The following FOXK1 variants were observed in gnomAD, a reference collection of about 807,000 sequenced individuals.
FOXK1 encodes forkhead box protein K1.
FOXK1 carries 19 observed loss-of-function variants against 51.9 expected under a neutral mutation model. That is an observed-to-expected ratio of 0.37 (90% CI 0.26 to 0.54). The LOEUF is 0.54. Ranked by LOEUF, FOXK1 falls within the 20% of genes least tolerant of loss-of-function variation. FOXK1 has a pLI of 0.87. For synonymous variants in FOXK1, 537 were observed against 482.6 expected (o/e 1.11, Z -1.48); for missense variants, 870 against 1,032.7 (o/e 0.84, Z 2.16).
intron 1 of FOXK1, among the ~76,000 whole-genome samples, chr7:4,694,471 C>T (rs1326916478): frequency 2.0e-5 from 3 of 152,136 alleles, no homozygotes; most frequent in South Asian, 2.1e-4. Context: ...TCTGAAAAAG[C>T]TTTGCTTCTT....
Position 4,741,037 on chromosome 7 carries a change from C to T in FOXK1, c.746+14C>T, listed in dbSNP as rs752677638. On this transcript the variant is annotated intron_variant, in intron 2 of 8. Transcript: ENST00000328914. ...GGGCACCATCAGGTGAGTAGCCCCC[C>T]AGCCTGCCCTTGGGCCCCCAGGAGA... The T allele has an allele frequency of 6.7e-7, 1 of 1,492,718 alleles. No individual in the cohort carries two copies. The highest frequency in any genetic ancestry group is 2.8e-5 in the Admixed American group (1 of 35,890). The allele number at this position is 1,492,718 out of a possible 1,614,324, so 92.5% of individuals were successfully genotyped here.
Position 4,762,279 on chromosome 7 carries a change from G to C in FOXK1, c.2017G>C (p.Ala673Pro). The change falls in exon 9 of 9, where the codon GCA becomes CCA. Residue 673 changes from alanine (A) to proline (P), a missense_variant. Coordinates refer to ENST00000328914, the MANE Select transcript of FOXK1 (RefSeq NM_001037165.2). This position sits in a 1 kb window ranked among gnomAD's most constrained non-coding sequence, Gnocchi z 5.7. ...GTGCGAGGTGGGGCCCAAGGAGCCA[G>C]CAGCAGCCGTCGCGGCCACGGCCAC... ...RVCEVGPKEP[A>P]AAVAATATTT... 1 of 1,550,780 alleles carries C rather than the reference G, an allele frequency of 6.4e-7. No individual in the cohort carries two copies. Among genetic ancestry groups the C allele is most frequent in the Non-Finnish European group, 8.7e-7 (1 of 1,146,930 alleles).
At chr7:4,712,156 C>G (rs1227575659) in intron 1 of FOXK1, among the ~76,000 whole-genome samples, 1 of 151,778 alleles carries the variant, frequency 6.6e-6, no homozygotes, top group African/African-American at 2.4e-5. Context: ...GAGATGAAAT[C>G]CAAGCATCGT....
intron 1 of FOXK1, among the ~76,000 whole-genome samples, chr7:4,691,088 A>G (rs925315019): frequency 6.6e-6 from 1 of 152,172 alleles, no homozygotes; most frequent in Non-Finnish European, 1.5e-5. Flanking sequence ...TAAAAAGGAT[A>G]AAAAACAGAA....
At position 4,771,309 on chromosome 7, in the gene FOXK1, TCTA is replaced by T. The variant is rs977744671; in HGVS notation, c.*8848_*8850del. 1 of 152,652 alleles carries T rather than the reference TCTA, an allele frequency of 6.6e-6. No individual in the cohort carries two copies. Among genetic ancestry groups the T allele is most frequent in the African/African-American group, 2.4e-5 (1 of 41,436 alleles). The allele number at this position is 152,652 out of a possible 1,614,324, so 9.5% of individuals were successfully genotyped here. Reference sequence around the variant, plus strand: ...TAAAGCTATAACAAAGTTTAAAATTTCTACTTTTTGTTTTTCATTTATTTTAAC... The same window carrying T: ...TAAAGCTATAACAAAGTTTAAAATTTCTTTTTGTTTTTCATTTATTTTAAC... On this transcript the variant is annotated 3_prime_UTR_variant, in exon 9 of 9. Transcript: ENST00000328914.
Position 4,730,996 on chromosome 7 carries a change from G to A in FOXK1, c.561-9842G>A, listed in dbSNP as rs1780469267. 6.6e-6 allele frequency among the ~76,000 whole-genome samples: 1 copy of A among 152,056 alleles called. No homozygotes were observed. Among genetic ancestry groups the A allele is most frequent in the Admixed American group, 6.6e-5 (1 of 15,256 alleles). ...AGCCTGGGCAACATAACAAGACCCT[G>A]TCTCTACAAAAAATCAAAACCATTT... On this transcript the variant is annotated intron_variant, in intron 1 of 8. Transcript: ENST00000328914. This position sits in a 1 kb window ranked among gnomAD's most constrained non-coding sequence, Gnocchi z 4.7.
At chr7:4,686,963 T>C (rs947502823) in intron 1 of FOXK1, among the ~76,000 whole-genome samples, 3 of 151,012 alleles carry the variant, frequency 2.0e-5, no homozygotes, top group African/African-American at 7.3e-5. Context: ...GACAGAGTCT[T>C]GCTCTGTCAC....
At chr7:4,720,397 T>C (rs1379991014) in intron 1 of FOXK1, among the ~76,000 whole-genome samples, 1 of 152,220 alleles carries the variant, frequency 6.6e-6, no homozygotes, top group African/African-American at 2.4e-5. Flanking sequence ...TTCAGCCTCT[T>C]TTTCTCTGTT....
chr7:4,732,535 C>T (rs1036914203), intron 1 of FOXK1, among the ~76,000 whole-genome samples: 1 of 152,170 alleles, frequency 6.6e-6, no homozygotes, highest in Non-Finnish European at 1.5e-5. Context: ...GTCAAGCGAT[C>T]GTCCCACCTC....
In FOXK1 at chr7:4,723,390, G is replaced by GT. The variant is rs1157433597; in HGVS notation, c.561-17438dup. ...CAAAGCTGTTTTTGTTTTCTGTGGG[G>GT]TTTTTTTTTTGGACGTTCCCAGCTG... is the stretch of plus-strand genomic sequence containing the variant. On this transcript the variant is annotated intron_variant, in intron 1 of 8. Transcript: ENST00000328914. This position sits in a 1 kb window ranked among gnomAD's most constrained non-coding sequence, Gnocchi z 4.7. Among the ~76,000 whole-genome samples the GT allele has an allele frequency of 7.5e-4, 111 of 147,996 alleles. No individual in the cohort carries two copies. Among genetic ancestry groups the GT allele is most frequent in the Non-Finnish European group, 1.1e-3 (76 of 66,666 alleles).
chr7:4,768,957 C>T lies in FOXK1; in HGVS notation c.*6493C>T, dbSNP rs2115084599. ...GGGAGGCCTGAGTGTGACCTGGAAG[C>T]TCTGTGGGTCACCAAGACTGGCATT... On this transcript the variant is annotated 3_prime_UTR_variant, in exon 9 of 9. Transcript: ENST00000328914. 1 of 152,298 alleles carries T rather than the reference C, an allele frequency of 6.6e-6. No homozygotes were observed. Among genetic ancestry groups the T allele is most frequent in the African/African-American group, 2.4e-5 (1 of 41,550 alleles). The allele number at this position is 152,298 out of a possible 1,614,324, so 9.4% of individuals were successfully genotyped here.
Position 4,768,254 on chromosome 7 carries a change from T to A in FOXK1, c.*5790T>A, listed in dbSNP as rs951122785. ...TTCACGCCATTCTCCTGCCTCAGCCTCCCGAGTAGCTGGGACTACAGGCGC... is the reference window on the plus strand; with the variant it reads ...TTCACGCCATTCTCCTGCCTCAGCCACCCGAGTAGCTGGGACTACAGGCGC... On this transcript the variant is annotated 3_prime_UTR_variant, in exon 9 of 9. Transcript: ENST00000328914. 1 of 140,086 alleles carries A rather than the reference T, an allele frequency of 7.1e-6. No individual in the cohort carries two copies. The highest frequency in any genetic ancestry group is 2.9e-5 in the African/African-American group (1 of 34,392). 8.7% of individuals were successfully genotyped at this position (140,086 alleles called of 1,614,324 possible).
chr7:4,742,664 TC>T (rs1183896920), intron 2 of FOXK1, among the ~76,000 whole-genome samples: 1 of 152,016 alleles, frequency 6.6e-6, no homozygotes, highest in Non-Finnish European at 1.5e-5. Context: ...AGATCCTCCC[TC>T]CTCCACCTCC....
Position 4,735,105 on chromosome 7 carries a change from A to C in FOXK1, c.561-5733A>C, listed in dbSNP as rs535051853. 9.2e-5 allele frequency among the ~76,000 whole-genome samples: 14 copies of C among 152,214 alleles called. No individual in the cohort carries two copies. The highest frequency in any genetic ancestry group is 1.9e-4 in the Non-Finnish European group (13 of 68,002). On this transcript the variant is annotated intron_variant, in intron 1 of 8. Coordinates refer to ENST00000328914, the MANE Select transcript of FOXK1 (RefSeq NM_001037165.2). This position sits in a 1 kb window ranked among gnomAD's most constrained non-coding sequence, Gnocchi z 4.7. ...TGGCCTAGGGAGGGGATGGGAATGAAGGCACATGACATGCCCCAAGTCACT... is the reference window on the plus strand; with the variant it reads ...TGGCCTAGGGAGGGGATGGGAATGACGGCACATGACATGCCCCAAGTCACT...
At chr7:4,699,432 G>A (rs1041170679) in intron 1 of FOXK1, among the ~76,000 whole-genome samples, 5 of 150,790 alleles carry the variant, frequency 3.3e-5, no homozygotes, top group Non-Finnish European at 2.9e-5. Context: ...GCAGTGACAC[G>A]ATCTCGGCTC....
intron 1 of FOXK1, among the ~76,000 whole-genome samples, chr7:4,726,679 C>T (rs1250017669): frequency 6.6e-6 from 1 of 151,992 alleles, no homozygotes; most frequent in Non-Finnish European, 1.5e-5. Flanking sequence ...AGACAGACAG[C>T]GGGAGCTCAC....
At chr7:4,724,640 A>C (rs1780355924) in intron 1 of FOXK1, among the ~76,000 whole-genome samples, 1 of 152,152 alleles carries the variant, frequency 6.6e-6, no homozygotes, top group South Asian at 2.1e-4. Flanking sequence ...CCCCCATCCT[A>C]GACTGTGGTC....
At position 4,682,460 on chromosome 7, in the gene FOXK1, GGCCGCCGCC is replaced by G. The variant is rs1027159877; in HGVS notation, c.162_170del (p.Pro57_Pro59del). The G allele has an allele frequency of 8.8e-5, 86 of 982,652 alleles. No homozygotes were observed. The East Asian group carries it at 1.0e-3, about 12-fold the overall frequency. 60.9% of individuals were successfully genotyped at this position (982,652 alleles called of 1,614,324 possible). On this transcript the variant is annotated inframe_deletion, in exon 1 of 9. Coordinates refer to ENST00000328914, the MANE Select transcript of FOXK1 (RefSeq NM_001037165.2). The surrounding 1 kb of genome is among the most constrained non-coding windows in gnomAD (Gnocchi z 7.6). ...CCCGCGCAGCCCCAGCCTCCGCCCG[GGCCGCCGCC>G]GCCGCCGCCACCGCCGCTGCCTCCG...
Position 4,767,275 on chromosome 7 carries a change from G to A in FOXK1, c.*4811G>A, listed in dbSNP as rs1039074247. 3.3e-5 allele frequency: 5 copies of A among 152,232 alleles called. No homozygotes were observed. The highest frequency in any genetic ancestry group is 9.6e-5 in the African/African-American group (4 of 41,458). 9.4% of individuals were successfully genotyped at this position (152,232 alleles called of 1,614,324 possible). ...CAGGACGGAATCGCGCGCTCCTCAC[G>A]CTGGAGTAAGTTACGAAACATGATC... On this transcript the variant is annotated 3_prime_UTR_variant, in exon 9 of 9. Coordinates refer to ENST00000328914, the MANE Select transcript of FOXK1 (RefSeq NM_001037165.2). This position sits in a 1 kb window ranked among gnomAD's most constrained non-coding sequence, Gnocchi z 6.6.
Sources: gnomAD v4.1 joint callset for allele counts (sites outside exome capture counted in the v4.1 genomes callset) on GRCh38, gnomAD v4.1.1 for gene constraint, Gnocchi (gnomAD v3.1) non-coding constraint, MANE v1.5 for transcripts, NCBI Gene and HGNC (gene_info 2026-07-23, HGNC 2026-07-21) for gene names.